FRY: variants seen among roughly 807,000 people sequenced by gnomAD.
FRY encodes protein furry homolog.
In FRY, 128 loss-of-function variants were observed where a neutral mutation model predicts 348.4. That is an observed-to-expected ratio of 0.37 (90% CI 0.32 to 0.43). The LOEUF is 0.43. Among genes scored for constraint, FRY ranks in the 20% least tolerant of loss-of-function variants. FRY has a pLI of 1.00. For missense variants in FRY, 2,736 were observed against 3,695.2 expected (o/e 0.74, Z 6.73); for synonymous variants, 1,370 against 1,374.7 (o/e 1.00, Z 0.08).
chr13:32,153,352 C>CTATT (rs1483440278), intron 14 of FRY, among the ~76,000 whole-genome samples: 1 of 152,114 alleles, frequency 6.6e-6, no homozygotes, highest in East Asian at 1.9e-4. Flanking sequence ...ACAATGGGTA[C>CTATT]TATTTAGCAA....
At chr13:32,228,031 T>C (rs1350686431) in intron 39 of FRY, among the ~76,000 whole-genome samples, 3 of 152,198 alleles carry the variant, frequency 2.0e-5, no homozygotes, top group Admixed American at 2.0e-4. Flanking sequence ...ATTACAGGCG[T>C]GAGCCACCGC....
intron 3 of FRY, among the ~76,000 whole-genome samples, chr13:32,116,668 GT>G (rs1055046674): frequency 2.6e-5 from 4 of 151,998 alleles, no homozygotes; most frequent in East Asian, 3.9e-4. Context: ...GGATTGAAGT[GT>G]TTTTTTATAG....
Position 32,209,183 on chromosome 13 carries a change from C to T in FRY, c.4275+74C>T, listed in dbSNP as rs575259054. On this transcript the variant is annotated intron_variant, in intron 32 of 60. Coordinates refer to ENST00000542859, the MANE Select transcript of FRY (RefSeq NM_023037.3). ...AAAAAACCCTGGGTTAGTCAAACCC[C>T]GGGGAAAATGGGATTCCTTTAAAAA... 2.4e-4 allele frequency: 366 copies of T among 1,517,774 alleles called. 1 individual carries two copies. The highest frequency in any genetic ancestry group is 2.4e-3 in the African/African-American group (172 of 73,124). 94.0% of individuals were successfully genotyped at this position (1,517,774 alleles called of 1,614,324 possible).
chr13:32,038,120 G>A (rs554471643), intron 1 of FRY, among the ~76,000 whole-genome samples: 17 of 152,230 alleles, frequency 1.1e-4, no homozygotes, highest in African/African-American at 3.4e-4. Context: ...AATGCTCCTG[G>A]TTTAGAATAA....
chr13:32,115,503 A>T (rs1878242592), intron 3 of FRY, among the ~76,000 whole-genome samples: 1 of 152,170 alleles, frequency 6.6e-6, no homozygotes, highest in Non-Finnish European at 1.5e-5. Context: ...AAATCTTTAG[A>T]GTCTTCTCAT....
rs763222259 is a variant in FRY at position 32,209,730 on chromosome 13, A to G, written c.4421A>G (p.Tyr1474Cys). Residue 1474 changes from tyrosine to cysteine, a missense_variant and splice_region_variant, in exon 33 of 61, where the codon TAT (tyrosine) becomes TGT (cysteine). Transcript: ENST00000542859. ...GVSSDTVLLPYIKKVAIYLCR... is the reference protein window; with the variant it reads ...GVSSDTVLLPCIKKVAIYLCR... ...AGCAGCGACACAGTTCTCCTACCCT[A>G]TGTAAGTGTCTCTCAGCCCTTCAAG... 46 of 1,613,852 alleles carry G rather than the reference A, an allele frequency of 2.9e-5. No homozygotes were observed. The highest frequency in any genetic ancestry group is 3.6e-5 in the Non-Finnish European group (43 of 1,179,886).
intron 31 of FRY, among the ~76,000 whole-genome samples, chr13:32,203,302 T>C (rs1419059708): frequency 6.6e-6 from 1 of 152,230 alleles, no homozygotes; most frequent in Non-Finnish European, 1.5e-5. Context: ...ATGTAAGTTG[T>C]TGAAAGTTTG....
chr13:32,117,419 G>C lies in FRY; in HGVS notation c.410G>C (p.Gly137Ala), dbSNP rs1260453567. ...TLFDWYKRQN[G>A]IEDESHEYRP... ...TTTGACTGGTATAAAAGGCAAAATGGCATTGAGGATGAATCACATGAATAC... is the reference window on the plus strand; with the variant it reads ...TTTGACTGGTATAAAAGGCAAAATGCCATTGAGGATGAATCACATGAATAC... Residue 137 changes from glycine to alanine, a missense_variant, in exon 4 of 61, where the codon GGC becomes GCC. Coordinates refer to ENST00000542859, the MANE Select transcript of FRY (RefSeq NM_023037.3). The C allele has an allele frequency of 6.2e-7, 1 of 1,613,798 alleles. No individual in the cohort carries two copies. Among genetic ancestry groups the C allele is most frequent in the Non-Finnish European group, 8.5e-7 (1 of 1,179,724 alleles).
chr13:32,103,615 C>G (rs560455492), intron 3 of FRY, among the ~76,000 whole-genome samples: 1 of 152,164 alleles, frequency 6.6e-6, no homozygotes, highest in South Asian at 2.1e-4. Flanking sequence ...ATATATGTAA[C>G]AAACCTGCAC....
At chr13:32,107,218 G>T (rs151197667) in intron 3 of FRY, among the ~76,000 whole-genome samples, 13 of 152,130 alleles carry the variant, frequency 8.5e-5, no homozygotes, top group Non-Finnish European at 1.8e-4. Context: ...TTAGCCAGAC[G>T]TGGTGGCACG....
At chr13:32,092,517 G>A (rs1876383394) in intron 2 of FRY, among the ~76,000 whole-genome samples, 2 of 152,218 alleles carry the variant, frequency 1.3e-5, no homozygotes, top group South Asian at 2.1e-4. Context: ...GTGGACACAA[G>A]GAGTGTTTAA....
At chr13:32,158,528 C>T (rs774591964) in intron 16 of FRY, among the ~76,000 whole-genome samples, 41 of 152,174 alleles carry the variant, frequency 2.7e-4, no homozygotes, top group Admixed American at 2.6e-4. Flanking sequence ...GTTCTTACCT[C>T]ACAAATTGCC....
chr13:32,239,163 C>A lies in FRY; in HGVS notation c.6419-89C>A. ...TCAAAAAACTGCTTTTGCATCACCTCAGTATAAAAATCTGTAACATGCCTT... is the reference window on the plus strand; with the variant it reads ...TCAAAAAACTGCTTTTGCATCACCTAAGTATAAAAATCTGTAACATGCCTT... On this transcript the variant is annotated intron_variant, in intron 44 of 60. Coordinates refer to ENST00000542859, the MANE Select transcript of FRY (RefSeq NM_023037.3). The surrounding 1 kb of genome is among the most constrained non-coding windows in gnomAD (Gnocchi z 4.3). 1.2e-6 allele frequency: 1 copy of A among 848,070 alleles called. No homozygotes were observed. Among genetic ancestry groups the A allele is most frequent in the South Asian group, 1.3e-5 (1 of 75,572 alleles). 52.5% of individuals were successfully genotyped at this position (848,070 alleles called of 1,614,324 possible). A position where few individuals can be genotyped will look rare whatever the true frequency, so the allele number is the denominator to read the frequency against.
At chr13:32,087,885 G>A (rs9567133) in intron 2 of FRY, among the ~76,000 whole-genome samples, 16,674 of 152,132 alleles carry the variant, frequency 0.11, 1,501 homozygotes, top group East Asian at 0.51. Context: ...TCTTTATATG[G>A]CAGATCTTCA....
chr13:32,084,120 C>T (rs1875696436), intron 2 of FRY, among the ~76,000 whole-genome samples: 1 of 152,126 alleles, frequency 6.6e-6, no homozygotes, highest in South Asian at 2.1e-4. Context: ...ATCGTCCTGC[C>T]TGTGTCCTCT....
chr13:32,141,979 TAAGG>T (rs1254611709), intron 11 of FRY, among the ~76,000 whole-genome samples: 1 of 152,062 alleles, frequency 6.6e-6, no homozygotes, highest in African/African-American at 2.4e-5. Context: ...GTTAATTAAT[TAAGG>T]GAGATGCAGA....
At chr13:32,042,166 A>G (rs1238373297) in intron 1 of FRY, among the ~76,000 whole-genome samples, 2 of 152,178 alleles carry the variant, frequency 1.3e-5, no homozygotes, top group Non-Finnish European at 2.9e-5. Context: ...CTTTATGAAA[A>G]GAAGAAAGGA....
intron 2 of FRY, among the ~76,000 whole-genome samples, chr13:32,080,994 G>A (rs558083367): frequency 3.2e-4 from 48 of 152,240 alleles, no homozygotes; most frequent in African/African-American, 9.9e-4. Context: ...TTAAGAATTT[G>A]TGAAGTAAAA....
intron 2 of FRY, among the ~76,000 whole-genome samples, chr13:32,099,069 G>A (rs1253229866): frequency 6.6e-6 from 1 of 151,898 alleles, no homozygotes. Context: ...GAGTGGAGGA[G>A]AGGATTGGAG....
Sources: gnomAD v4.1 joint callset for allele counts (sites outside exome capture counted in the v4.1 genomes callset) on GRCh38, gnomAD v4.1.1 for gene constraint, Gnocchi (gnomAD v3.1) non-coding constraint, MANE v1.5 for transcripts, NCBI Gene and HGNC (gene_info 2026-07-23, HGNC 2026-07-21) for gene names.